NPTN: variants seen among roughly 807,000 people sequenced by gnomAD.
NPTN encodes the protein neuroplastin.
Under a neutral mutation model 42.7 loss-of-function variants are expected in NPTN, and 5 were observed. The observed-to-expected ratio is 0.12, with a 90% confidence interval of 0.06 to 0.25. The LOEUF is 0.25. Ranked by LOEUF, NPTN falls within the 10% of genes least tolerant of loss-of-function variation. The pLI is 1.00. For synonymous variants in NPTN, 180 were observed against 201.9 expected (o/e 0.89, Z 0.92); for missense variants, 307 against 525.4 (o/e 0.58, Z 4.06).
At chr15:73,584,366 T>G (rs1896209015) in intron 4 of NPTN, among the ~76,000 whole-genome samples, 1 of 152,196 alleles carries the variant, frequency 6.6e-6, no homozygotes, top group Admixed American at 6.5e-5. Context: ...CCGGGATTTT[T>G]AATTTGCTTT....
At chr15:73,591,877 T>C in intron 3 of NPTN, 89 bp downstream of exon 3, 1 of 1,302,572 alleles carries the variant, frequency 7.7e-7, no homozygotes, top group Non-Finnish European at 1.1e-6. Context: ...CTCATGTCCC[T>C]TCTGCATGGC....
chr15:73,582,741 A>G (rs759186770), intron 4 of NPTN, among the ~76,000 whole-genome samples: 10 of 152,304 alleles, frequency 6.6e-5, no homozygotes, highest in Admixed American at 1.3e-4. Flanking sequence ...GAGTGGGTAG[A>G]GGTGTGGGAG....
intron 4 of NPTN, among the ~76,000 whole-genome samples, chr15:73,580,054 C>A (rs1657635466): frequency 6.6e-6 from 1 of 151,960 alleles, no homozygotes; most frequent in African/African-American, 2.4e-5. Context: ...GCAGACATTA[C>A]CCCACTTTTT....
intron 4 of NPTN, among the ~76,000 whole-genome samples, chr15:73,585,080 C>T (rs1896250411): frequency 6.6e-6 from 1 of 152,148 alleles, no homozygotes; most frequent in Admixed American, 6.5e-5. Flanking sequence ...CAGAAATGTT[C>T]TGAAAGACAG....
intron 4 of NPTN, among the ~76,000 whole-genome samples, chr15:73,581,897 C>T (rs780295350): frequency 1.3e-5 from 2 of 151,912 alleles, no homozygotes; most frequent in African/African-American, 4.8e-5. Context: ...TGCAGCAGCG[C>T]GATCTCAGCT....
At chr15:73,610,709 C>T (rs1427435684) in intron 1 of NPTN, among the ~76,000 whole-genome samples, 1 of 152,166 alleles carries the variant, frequency 6.6e-6, no homozygotes, top group Non-Finnish European at 1.5e-5. Context: ...CTATTTTAGA[C>T]TGTGATAAAA....
At chr15:73,566,451 A>T (rs1237739985) in intron 6 of NPTN, among the ~76,000 whole-genome samples, 1 of 152,252 alleles carries the variant, frequency 6.6e-6, no homozygotes, top group African/African-American at 2.4e-5. Flanking sequence ...AGGTAAAAAC[A>T]GAAAGTTCTT....
At chr15:73,582,381 T>C (rs1896094300) in intron 4 of NPTN, among the ~76,000 whole-genome samples, 1 of 152,188 alleles carries the variant, frequency 6.6e-6, no homozygotes, top group South Asian at 2.1e-4. Context: ...TGCCAAGAGC[T>C]ATGCCCAAGA....
At chr15:73,587,068 G>A (rs1021551127) in intron 4 of NPTN, among the ~76,000 whole-genome samples, 2 of 152,272 alleles carry the variant, frequency 1.3e-5, no homozygotes, top group African/African-American at 2.4e-5. Context: ...TCTGCACACT[G>A]TACTTTCCCC....
chr15:73,609,258 A>C (rs1255628035), intron 1 of NPTN, among the ~76,000 whole-genome samples: 1 of 152,238 alleles, frequency 6.6e-6, no homozygotes, highest in Non-Finnish European at 1.5e-5. Flanking sequence ...CTCAGATATA[A>C]GGCACAGTAT....
rs150640195 is a variant in NPTN, at chr15:73,633,198, C to A, written c.18G>T (p.Leu6=). Residue 6 remains leucine, a synonymous_variant, in exon 1 of 9, where the codon CTG becomes CTT. Coordinates refer to ENST00000345330, the MANE Select transcript of NPTN (RefSeq NM_012428.4). MSGSS[L]PSALALSLLL... ...ACAGCGAGAGGGCCAGGGCGCTGGG[C>A]AGCGACGAACCCGACATCCTCCCTA... 86 of 1,530,246 alleles carry A rather than the reference C, an allele frequency of 5.6e-5. No homozygotes were observed. The African/African-American group carries it at 1.2e-3, about 21-fold the overall frequency. 94.8% of individuals were successfully genotyped at this position (1,530,246 alleles called of 1,614,324 possible).
chr15:73,593,785 T>C (rs1250176080), intron 2 of NPTN, among the ~76,000 whole-genome samples: 1 of 152,230 alleles, frequency 6.6e-6, no homozygotes, highest in African/African-American at 2.4e-5. Flanking sequence ...TTATCTTCCA[T>C]TCAGCACTGG....
At chr15:73,607,443 A>G (rs1465945806) in intron 1 of NPTN, among the ~76,000 whole-genome samples, 1 of 152,240 alleles carries the variant, frequency 6.6e-6, no homozygotes, top group Non-Finnish European at 1.5e-5. Context: ...ATCATCATAT[A>G]TCGCATGAAT....
At chr15:73,580,453 TA>T (rs1895953684) in intron 4 of NPTN, among the ~76,000 whole-genome samples, 1 of 134,726 alleles carries the variant, frequency 7.4e-6, no homozygotes, top group Non-Finnish European at 1.5e-5. Context: ...TATATATGTA[TA>T]TATACAAAAT....
rs138975148 is a variant in NPTN, at chr15:73,625,428, G to A, written c.91+7697C>T. 8.0e-3 allele frequency among the ~76,000 whole-genome samples: 1,216 copies of A among 152,082 alleles called. 21 individuals carry two copies. The highest frequency in any genetic ancestry group is 0.028 in the African/African-American group (1,170 of 41,464). ...TGCAGTGGCATGTTCTCGGCTCCCGGGTTCACGCCATTCTCCTGCCTCAGC... is the reference window on the plus strand; with the variant it reads ...TGCAGTGGCATGTTCTCGGCTCCCGAGTTCACGCCATTCTCCTGCCTCAGC... On this transcript the variant is annotated intron_variant, in intron 1 of 8. Transcript: ENST00000345330.
chr15:73,583,992 T>A (rs1896191061), intron 4 of NPTN, among the ~76,000 whole-genome samples: 1 of 152,158 alleles, frequency 6.6e-6, no homozygotes, highest in Admixed American at 6.5e-5. Flanking sequence ...CTTATAGAAA[T>A]CCTAACCTTT....
rs1201565262 is a variant in NPTN, at chr15:73,597,074, T to C, written c.387A>G (p.Gln129=). The C allele has an allele frequency of 6.2e-7, 1 of 1,614,020 alleles. No homozygotes were observed. Among genetic ancestry groups the C allele is most frequent in the East Asian group, 2.2e-5 (1 of 44,894 alleles). Reference sequence around the variant, plus strand: ...CTCGAATCCATGTTATGGAGGGGTTTTGCCTCAAGTCATTCCTCTTGGGGT... The same window carrying C: ...CTCGAATCCATGTTATGGAGGGGTTCTGCCTCAAGTCATTCCTCTTGGGGT... ...SNDPKRNDLR[Q]NPSITWIRAQ... is the part of the protein sequence containing the mutation. Residue 129 remains glutamine (Q), a synonymous_variant, in exon 2 of 9, where the codon CAA becomes CAG. Coordinates refer to ENST00000345330, the MANE Select transcript of NPTN (RefSeq NM_012428.4). The surrounding 1 kb of genome is among the most constrained non-coding windows in gnomAD (Gnocchi z 6.3).
chr15:73,606,847 T>C, intron 1 of NPTN, among the ~76,000 whole-genome samples: 1 of 152,224 alleles, frequency 6.6e-6, no homozygotes, highest in East Asian at 1.9e-4. Context: ...AACCTTCTCC[T>C]AGGCCCATCT....
intron 4 of NPTN, among the ~76,000 whole-genome samples, chr15:73,576,576 G>A (rs1566963230): frequency 1.3e-5 from 2 of 152,192 alleles, no homozygotes; most frequent in South Asian, 2.1e-4. Context: ...TGATCCACCC[G>A]CCTCAGCCTC....
Sources: allele counts gnomAD v4.1 joint callset (sites outside exome capture counted in the v4.1 genomes callset), GRCh38; gene constraint gnomAD v4.1.1; non-coding constraint Gnocchi (gnomAD v3.1); transcripts MANE v1.5; gene names NCBI Gene and HGNC (gene_info 2026-07-23, HGNC 2026-07-21).